KDM4A: variants seen among roughly 807,000 people sequenced by gnomAD.
The protein encoded by KDM4A is lysine demethylase 4A, also known as lysine-specific demethylase 4A.
Under a neutral mutation model 127.1 loss-of-function variants are expected in KDM4A, and 23 were observed. The ratio of observed to expected loss-of-function variants is 0.18; its 90% CI spans 0.13 to 0.26. The LOEUF is 0.26. Ranked by LOEUF, KDM4A falls within the 10% of genes least tolerant of loss-of-function variation. The pLI is 1.00. For synonymous variants in KDM4A, 443 were observed against 466.5 expected (o/e 0.95, Z 0.65); for missense variants, 890 against 1,329.1 (o/e 0.67, Z 5.14).
rs752324740 is a variant in KDM4A, at chr1:43,671,847, G to A, written c.1706G>A (p.Arg569Lys). The change falls in exon 11 of 22, where the codon AGA becomes AAA. Residue 569 changes from arginine to lysine, a missense_variant. Transcript: ENST00000372396. Reference protein sequence around the residue: ...PCTRKKGSAARSFSERELAEV... With the variant: ...PCTRKKGSAAKSFSERELAEV... ...ACGAGGAAGAAAGGAAGCGCCGCTA[G>A]AAGTTTCAGTGAGCGGGAGCTGGCA... 1 of 1,581,828 alleles carries A rather than the reference G, an allele frequency of 6.3e-7. No individual in the cohort carries two copies. The highest frequency in any genetic ancestry group is 8.6e-7 in the Non-Finnish European group (1 of 1,162,718).
In KDM4A at chr1:43,704,106, T is replaced by A. The variant is rs866459875; in HGVS notation, c.3048T>A (p.Ser1016=). ...LDEELPKRVK[S]RLSVASDMRF... ...AAGAGCTTCCCAAGAGAGTCAAATCTAGACTGGTGAGTATTTTCTGTGTCC... is the reference window on the plus strand; with the variant it reads ...AAGAGCTTCCCAAGAGAGTCAAATCAAGACTGGTGAGTATTTTCTGTGTCC... Residue 1016 remains serine, a synonymous_variant, in exon 21 of 22, where the codon TCT becomes TCA. Transcript: ENST00000372396. 6.2e-7 allele frequency: 1 copy of A among 1,613,842 alleles called. No individual in the cohort carries two copies.
chr1:43,651,269 G>C (rs993679467), intron 1 of KDM4A, among the ~76,000 whole-genome samples: 1 of 152,214 alleles, frequency 6.6e-6, no homozygotes, highest in African/African-American at 2.4e-5. Context: ...AGCTGCCCTT[G>C]CAGAGGACTT....
At chr1:43,695,644 T>C (rs1328189591) in intron 18 of KDM4A, among the ~76,000 whole-genome samples, 3 of 152,204 alleles carry the variant, frequency 2.0e-5, no homozygotes, top group Admixed American at 6.5e-5. Flanking sequence ...CATTATAGTT[T>C]TTGATAATCA....
chr1:43,659,180 C>A (rs1229996308), intron 3 of KDM4A, among the ~76,000 whole-genome samples: 1 of 152,052 alleles, frequency 6.6e-6, no homozygotes, highest in Non-Finnish European at 1.5e-5. Flanking sequence ...GCAGTCCTGG[C>A]TACTCGGGAG....
intron 4 of KDM4A, 37 bp from the exon 5 acceptor site, chr1:43,662,857 A>C (rs1557905456): frequency 3.9e-6 from 6 of 1,555,164 alleles, no homozygotes; most frequent in Non-Finnish European, 5.2e-6. Flanking sequence ...GTTTCTATGC[A>C]AATGTAACTT....
At chr1:43,681,689 C>G (rs1188149568) in intron 11 of KDM4A, among the ~76,000 whole-genome samples, 5 of 152,084 alleles carry the variant, frequency 3.3e-5, no homozygotes, top group Non-Finnish European at 5.9e-5. Context: ...GGCCTATTGT[C>G]CAGGTGCCCC....
intron 11 of KDM4A, 41 bp from the exon 12 acceptor site, chr1:43,683,643 A>G (rs774313218): frequency 6.3e-7 from 1 of 1,599,566 alleles, no homozygotes; most frequent in Admixed American, 1.7e-5. Context: ...CTGTGTCTCA[A>G]GTGGAGACAA....
At chr1:43,653,463 G>A (rs1660166464) in intron 2 of KDM4A, 150 bp downstream of exon 2, 2 of 665,176 alleles carry the variant, frequency 3.0e-6, no homozygotes, top group Non-Finnish European at 4.9e-6. Context: ...GTTAATTCCC[G>A]TTGTTAACAT....
At chr1:43,657,024 C>T (rs1660258832) in intron 3 of KDM4A, among the ~76,000 whole-genome samples, 1 of 152,090 alleles carries the variant, frequency 6.6e-6, no homozygotes, top group Admixed American at 6.6e-5. Flanking sequence ...CTTGCTCAGC[C>T]TCCCAAGTAA....
At chr1:43,676,152 G>A (rs143279188) in intron 11 of KDM4A, among the ~76,000 whole-genome samples, 10 of 151,392 alleles carry the variant, frequency 6.6e-5, no homozygotes, top group East Asian at 2.0e-4. Flanking sequence ...AGGCCACGCA[G>A]GGTGCCATAC....
At chr1:43,657,051 G>T (rs1342431485) in intron 3 of KDM4A, among the ~76,000 whole-genome samples, 1 of 151,950 alleles carries the variant, frequency 6.6e-6, no homozygotes, top group Non-Finnish European at 1.5e-5. Context: ...GTATAGATAG[G>T]CATGTGCTAC....
At chr1:43,652,485 AGTTTATTTAAATAACTTTTTGTT>A (rs1660136067) in intron 1 of KDM4A, among the ~76,000 whole-genome samples, 1 of 151,968 alleles carries the variant, frequency 6.6e-6, no homozygotes, top group Admixed American at 6.6e-5. Flanking sequence ...CTGTATTTCT[AGTTTATTTAAATAACTTTTTGTT>A]GTTTATTTAA....
In KDM4A at chr1:43,667,091, G is replaced by A; in HGVS notation, c.915G>A (p.Leu305=). ...RWIEYGKQAV[L]CSCRKDMVKI... is the part of the protein sequence containing the mutation. Reference sequence around the variant, plus strand: ...TTGAGTACGGCAAGCAAGCTGTGCTGGTAAGTCTGCTTGATTTCTTTCTAT... The same window carrying A: ...TTGAGTACGGCAAGCAAGCTGTGCTAGTAAGTCTGCTTGATTTCTTTCTAT... The change falls in exon 8 of 22, where the codon CTG becomes CTA. Residue 305 remains leucine, a splice_region_variant and synonymous_variant. Coordinates refer to ENST00000372396, the MANE Select transcript of KDM4A (RefSeq NM_014663.3). 6.2e-7 allele frequency: 1 copy of A among 1,614,022 alleles called. No homozygotes were observed. The highest frequency in any genetic ancestry group is 8.5e-7 in the Non-Finnish European group (1 of 1,180,006).
At chr1:43,666,844 G>T (rs1660510911) in intron 7 of KDM4A, 110 bp from the exon 8 acceptor site, 1 of 1,098,296 alleles carries the variant, frequency 9.1e-7, no homozygotes, top group South Asian at 1.4e-5. Context: ...GACCCCAGGG[G>T]TTTTATGACT....
At chr1:43,697,718 C>T in intron 18 of KDM4A, 125 bp from the exon 19 acceptor site, 1 of 925,504 alleles carries the variant, frequency 1.1e-6, no homozygotes, top group Non-Finnish European at 1.6e-6. Flanking sequence ...TCTCTTCTCT[C>T]CTTTTTACTT....
intron 5 of KDM4A, among the ~76,000 whole-genome samples, chr1:43,664,637 A>G (rs890964441): frequency 6.6e-5 from 10 of 151,986 alleles, no homozygotes; most frequent in African/African-American, 2.4e-4. Flanking sequence ...TCCAGTTTCT[A>G]ATCTTGGGGG....
intron 20 of KDM4A, 71 bp downstream of exon 20, chr1:43,703,807 G>C (rs1230056446): frequency 3.1e-6 from 5 of 1,593,072 alleles, no homozygotes; most frequent in Non-Finnish European, 4.3e-6. Context: ...TTGGGCCAGA[G>C]GCGAGTCTTT....
chr1:43,703,876 C>T, intron 20 of KDM4A, 140 bp downstream of exon 20: 1 of 1,343,342 alleles, frequency 7.4e-7, no homozygotes. Flanking sequence ...TGCCCTGTTT[C>T]CAGTCTGCCA....
Position 43,671,826 on chromosome 1 carries a change from G to C in KDM4A, c.1685G>C (p.Arg562Thr). Residue 562 changes from arginine to threonine, a missense_variant, in exon 11 of 22, where the codon AGG becomes ACG. Arg to Thr is a moderately conservative substitution (Grantham distance 71). Around this residue, in one of 7 missense-constraint regions of KDM4A, gnomAD observed 389 missense variants for 485.9 expected, o/e 0.80. Coordinates refer to ENST00000372396, the MANE Select transcript of KDM4A (RefSeq NM_014663.3). Reference protein sequence around the residue: ...GRVTVGEPCTRKKGSAARSFS... With the variant: ...GRVTVGEPCTTKKGSAARSFS... ...GTCACTGTGGGAGAGCCATGCACGAGGAAGAAAGGAAGCGCCGCTAGAAGT... is the reference window on the plus strand; with the variant it reads ...GTCACTGTGGGAGAGCCATGCACGACGAAGAAAGGAAGCGCCGCTAGAAGT... The C allele has an allele frequency of 6.3e-7, 1 of 1,590,228 alleles. No homozygotes were observed. Among genetic ancestry groups the C allele is most frequent in the South Asian group, 1.1e-5 (1 of 87,972 alleles).
Sources: gnomAD v4.1 joint callset for allele counts (sites outside exome capture counted in the v4.1 genomes callset) on GRCh38, gnomAD v4.1.1 for gene constraint, gnomAD v4.1.1 regional missense constraint, MANE v1.5 for transcripts, NCBI Gene and HGNC (gene_info 2026-07-23, HGNC 2026-07-21) for gene names.